The following SLC44A5 variants were observed in gnomAD, a reference collection of about 807,000 sequenced individuals.
The protein encoded by SLC44A5 is solute carrier family 44 member 5, also known as choline transporter-like protein 5.
SLC44A5 carries 57 observed loss-of-function variants against 101.8 expected under a neutral mutation model. The ratio of observed to expected loss-of-function variants is 0.56; its 90% CI spans 0.45 to 0.70. The LOEUF is 0.70. Among genes scored for constraint, SLC44A5 ranks in the 30% least tolerant of loss-of-function variants. SLC44A5 has a pLI of 0.00. For missense variants in SLC44A5, 737 were observed against 853.1 expected, an observed-to-expected ratio of 0.86 and a Z score of 1.70; for synonymous variants, 281 against 290.9, an observed-to-expected ratio of 0.97 and a Z score of 0.35.
At chr1:75,237,402 A>C (rs928745124) in intron 10 of SLC44A5, among the ~76,000 whole-genome samples, 16 of 152,064 alleles carry the variant, frequency 1.1e-4, no homozygotes, top group African/African-American at 3.1e-4. Flanking sequence ...AATTTGCAAA[A>C]CCCATAGTCA....
rs1175845553 is a variant in SLC44A5, at chr1:75,380,525, C to G, written c.52+16058G>C. ...GTAAGCACTGATCCAACAGGAAAGG[C>G]TGCATATTGGGCAAGTCAGGTCTCA... On this transcript the variant is annotated intron_variant, in intron 3 of 23. Transcript: ENST00000370859. 4.8e-5 allele frequency among the ~76,000 whole-genome samples: 4 copies of G among 83,050 alleles called. 2 individuals carry two copies. The highest frequency in any genetic ancestry group is 8.3e-5 in the Non-Finnish European group (4 of 48,092). 54.5% of individuals were successfully genotyped at this position (83,050 alleles called of 152,430 possible).
Position 75,251,262 on chromosome 1 carries a change from A to G in SLC44A5, c.293T>C (p.Leu98Ser). ...NKTILFYFNL[L>S]RCTSPSVLLN... is the part of the protein sequence containing the mutation. ...CAACACGGAGGGACTGGTACAGCGT[A>G]ACAGGTTAAAGTAAAACAAAATGGT... Residue 98 changes from leucine (L) to serine (S), a missense_variant, in exon 7 of 24, where the codon TTA (leucine) becomes TCA (serine). Leu to Ser is a moderately radical substitution (Grantham distance 145). Transcript: ENST00000370859. The G allele has an allele frequency of 6.2e-7, 1 of 1,613,500 alleles. No individual in the cohort carries two copies. The highest frequency in any genetic ancestry group is 8.5e-7 in the Non-Finnish European group (1 of 1,179,568).
At chr1:75,250,152 C>T (rs997155219) in intron 7 of SLC44A5, among the ~76,000 whole-genome samples, 1 of 152,078 alleles carries the variant, frequency 6.6e-6, no homozygotes, top group African/African-American at 2.4e-5. Context: ...TTTCTCCTCC[C>T]ACCCTTCACC....
intron 13 of SLC44A5, among the ~76,000 whole-genome samples, chr1:75,224,713 G>T: frequency 6.6e-6 from 1 of 151,578 alleles, no homozygotes; most frequent in East Asian, 1.9e-4. Context: ...TAGGATTATA[G>T]GCATGAGCCA....
chr1:75,425,595 A>G (rs974080359), intron 2 of SLC44A5, among the ~76,000 whole-genome samples: 7 of 152,178 alleles, frequency 4.6e-5, no homozygotes, highest in African/African-American at 1.7e-4. Flanking sequence ...TAAGAAACTT[A>G]TTTTAGATGT....
intron 2 of SLC44A5, among the ~76,000 whole-genome samples, chr1:75,423,677 C>T (rs1257579478): frequency 1.3e-5 from 2 of 152,186 alleles, no homozygotes; most frequent in African/African-American, 4.8e-5. Flanking sequence ...GCGAGCAGCT[C>T]CATACTCCCT....
At chr1:75,577,199 T>A (rs1008508516) in intron 1 of SLC44A5, among the ~76,000 whole-genome samples, 1 of 152,248 alleles carries the variant, frequency 6.6e-6, no homozygotes, top group Admixed American at 6.5e-5. Context: ...TTCAACAGCA[T>A]CCTACTTGAC....
At chr1:75,223,966 C>T (rs906167216) in intron 13 of SLC44A5, among the ~76,000 whole-genome samples, 4 of 152,048 alleles carry the variant, frequency 2.6e-5, no homozygotes, top group Non-Finnish European at 5.9e-5. Context: ...GACATTGCAC[C>T]GTTAAAAAAC....
chr1:75,699,012 C>T, the SLC44A5 span, among the ~76,000 whole-genome samples: 39,124 of 151,878 alleles, frequency 0.26, 5,364 homozygotes, highest in Middle Eastern at 0.37. Context: ...GTGAAAAGAC[C>T]AAATCTACAT....
the SLC44A5 span, among the ~76,000 whole-genome samples, chr1:75,653,687 G>A: frequency 1.3e-5 from 2 of 152,114 alleles, no homozygotes; most frequent in Admixed American, 1.3e-4. Flanking sequence ...GAACTCAGAA[G>A]GACTAATTCA....
At chr1:75,706,016 T>C in the SLC44A5 span, among the ~76,000 whole-genome samples, 1 of 152,202 alleles carries the variant, frequency 6.6e-6, no homozygotes, top group African/African-American at 2.4e-5. Context: ...TTACTTATTT[T>C]CTGCTACATT....
At chr1:75,583,182 CCT>C (rs1392731813) in intron 1 of SLC44A5, among the ~76,000 whole-genome samples, 1 of 152,146 alleles carries the variant, frequency 6.6e-6, no homozygotes, top group Non-Finnish European at 1.5e-5. Context: ...TTTTTATACT[CCT>C]TTCTTCTCTC....
At chr1:75,430,808 G>T (rs1276003324) in intron 2 of SLC44A5, among the ~76,000 whole-genome samples, 4 of 152,174 alleles carry the variant, frequency 2.6e-5, no homozygotes, top group Non-Finnish European at 4.4e-5. Context: ...AGTCTCAAGG[G>T]CAGCAATACA....
At chr1:75,263,238 A>C (rs1033503546) in intron 6 of SLC44A5, among the ~76,000 whole-genome samples, 4 of 152,214 alleles carry the variant, frequency 2.6e-5, no homozygotes, top group Admixed American at 2.6e-4. Flanking sequence ...CCATCTGACA[A>C]ATGGCTAATA....
chr1:75,482,755 AG>A (rs1274634516), intron 2 of SLC44A5, among the ~76,000 whole-genome samples: 1 of 152,218 alleles, frequency 6.6e-6, no homozygotes, highest in Non-Finnish European at 1.5e-5. Context: ...TAAATAGCAA[AG>A]CCTCTGTCCT....
intron 1 of SLC44A5, among the ~76,000 whole-genome samples, chr1:75,542,204 C>G (rs1306797293): frequency 6.6e-6 from 1 of 151,998 alleles, no homozygotes; most frequent in African/African-American, 2.4e-5. Context: ...AGAAAAGCTG[C>G]AGAAATATAC....
intron 1 of SLC44A5, among the ~76,000 whole-genome samples, chr1:75,564,147 G>A (rs1672659988): frequency 1.3e-5 from 2 of 152,166 alleles, no homozygotes; most frequent in African/African-American, 2.4e-5. Flanking sequence ...GTTGCAATAT[G>A]CTGATCAATA....
intron 2 of SLC44A5, among the ~76,000 whole-genome samples, chr1:75,530,029 T>A (rs1174537119): frequency 1.3e-5 from 2 of 152,152 alleles, no homozygotes; most frequent in Non-Finnish European, 2.9e-5. Context: ...TATCATTAAG[T>A]ACTACCTTGA....
chr1:75,426,485 T>G (rs938969495), intron 2 of SLC44A5, among the ~76,000 whole-genome samples: 43 of 152,110 alleles, frequency 2.8e-4, no homozygotes, highest in African/African-American at 1.0e-3. Flanking sequence ...AGCAACACAA[T>G]AGACAAGGAA....
Sources: gnomAD v4.1 joint callset for allele counts (sites outside exome capture counted in the v4.1 genomes callset) on GRCh38, gnomAD v4.1.1 for gene constraint, MANE v1.5 for transcripts, NCBI Gene and HGNC (gene_info 2026-07-23, HGNC 2026-07-21) for gene names.